Variants in SMIM35 observed in about 807,000 individuals in gnomAD.
SMIM35 encodes TMPRSS4 antisense RNA 1 (non-protein coding).
intron 1 of SMIM35, among the ~76,000 whole-genome samples, chr11:118,052,292 G>T (rs756438505): frequency 2.0e-5 from 3 of 152,086 alleles, no homozygotes; most frequent in Non-Finnish European, 4.4e-5. Context: ...GACTCCAGGG[G>T]ACAAAAGAAG....
intron 1 of SMIM35, among the ~76,000 whole-genome samples, chr11:118,060,709 C>T (rs958554635): frequency 6.6e-6 from 1 of 152,124 alleles, no homozygotes; most frequent in African/African-American, 2.4e-5. Flanking sequence ...GTCCCTCTGG[C>T]TGTTCCCCTC....
chr11:118,058,504 G>A (rs562203211), intron 1 of SMIM35, among the ~76,000 whole-genome samples: 89 of 152,328 alleles, frequency 5.8e-4, no homozygotes, highest in Non-Finnish European at 1.1e-3. Context: ...ATGACGGGGC[G>A]AGGAATGGGG....
chr11:118,018,178 A>G (rs1171204221), intron 1 of SMIM35, among the ~76,000 whole-genome samples: 2 of 152,184 alleles, frequency 1.3e-5, no homozygotes, highest in African/African-American at 4.8e-5. Flanking sequence ...GGAAGGCAGC[A>G]GGAGAGGAGG....
intron 1 of SMIM35, among the ~76,000 whole-genome samples, chr11:118,026,939 G>C (rs950584886): frequency 5.3e-5 from 8 of 151,504 alleles, no homozygotes; most frequent in African/African-American, 1.9e-4. Context: ...CACATATGTT[G>C]CTACAGGTGA....
chr11:118,024,964 C>T (rs1308446953), intron 1 of SMIM35, among the ~76,000 whole-genome samples: 1 of 148,354 alleles, frequency 6.7e-6, no homozygotes, highest in Non-Finnish European at 1.5e-5. Flanking sequence ...GTCTATTTTT[C>T]CCTGTCCATA....
At chr11:118,084,406 G>A (rs1341800803) in intron 1 of SMIM35, among the ~76,000 whole-genome samples, 1 of 152,244 alleles carries the variant, frequency 6.6e-6, no homozygotes, top group Non-Finnish European at 1.5e-5. Context: ...CAACTGCAAA[G>A]TCAGAGAGGC....
At chr11:118,026,004 T>G (rs949310100) in intron 1 of SMIM35, 1 of 307,256 alleles carries the variant, frequency 3.3e-6, no homozygotes, top group African/African-American at 2.3e-5. Context: ...TTCAATCTTC[T>G]GCATAGGGTT....
At chr11:118,012,253 C>T (rs1288512709) in intron 4 of SMIM35, among the ~76,000 whole-genome samples, 1 of 152,208 alleles carries the variant, frequency 6.6e-6, no homozygotes, top group Non-Finnish European at 1.5e-5. Flanking sequence ...GAGGACTCTG[C>T]CTCTCTGGTT....
intron 1 of SMIM35, among the ~76,000 whole-genome samples, chr11:118,030,232 G>A (rs188622853): frequency 3.3e-5 from 5 of 152,004 alleles, no homozygotes; most frequent in Non-Finnish European, 7.4e-5. Flanking sequence ...ATGGGGTTTC[G>A]CCATGTTGGC....
chr11:118,078,680 G>A (rs895600477), intron 1 of SMIM35, among the ~76,000 whole-genome samples: 1 of 152,168 alleles, frequency 6.6e-6, no homozygotes, highest in African/African-American at 2.4e-5. Context: ...GGCAGGCACT[G>A]AGGAGACCTG....
At chr11:118,064,192 A>T (rs556606890) in intron 1 of SMIM35, among the ~76,000 whole-genome samples, 1 of 152,358 alleles carries the variant, frequency 6.6e-6, no homozygotes, top group East Asian at 1.9e-4. Flanking sequence ...TGGTCACAGA[A>T]GTCTATTGCG....
intron 1 of SMIM35, among the ~76,000 whole-genome samples, chr11:118,042,947 C>T (rs1048187304): frequency 1.3e-5 from 2 of 152,202 alleles, no homozygotes; most frequent in African/African-American, 2.4e-5. Context: ...CAAAATCAAA[C>T]ACTCTTTCAT....
At chr11:118,075,196 G>A (rs949005090) in intron 1 of SMIM35, among the ~76,000 whole-genome samples, 2 of 152,148 alleles carry the variant, frequency 1.3e-5, no homozygotes, top group African/African-American at 4.8e-5. Context: ...GACCATCACG[G>A]CCCTGACCCT....
chr11:118,062,203 G>A (rs1212642121), intron 1 of SMIM35, among the ~76,000 whole-genome samples: 1 of 152,198 alleles, frequency 6.6e-6, no homozygotes, highest in Non-Finnish European at 1.5e-5. Flanking sequence ...GGTGGTGAGT[G>A]CCTGTAATCC....
chr11:118,074,978 T>C (rs1944632868), intron 1 of SMIM35, among the ~76,000 whole-genome samples: 1 of 152,154 alleles, frequency 6.6e-6, no homozygotes, highest in Non-Finnish European at 1.5e-5. Context: ...GGCTGAGTCA[T>C]CATCCCTCCA....
intron 1 of SMIM35, among the ~76,000 whole-genome samples, chr11:118,069,119 C>T (rs1944532072): frequency 6.6e-6 from 1 of 152,194 alleles, no homozygotes; most frequent in Admixed American, 6.5e-5. Flanking sequence ...TGCCAGCACC[C>T]CAGCATCCCA....
chr11:118,065,039 C>T (rs144631075), intron 1 of SMIM35, among the ~76,000 whole-genome samples: 2 of 152,204 alleles, frequency 1.3e-5, no homozygotes, highest in Admixed American at 6.5e-5. Context: ...GATATCCCAA[C>T]TCAGAAATGA....
intron 1 of SMIM35, chr11:118,029,114 T>C: frequency 3.8e-6 from 1 of 266,356 alleles, no homozygotes; most frequent in South Asian, 3.9e-5. Flanking sequence ...AAGTATAGCA[T>C]AAATAAATAA....
chr11:118,078,823 C>T (rs1944897602), intron 1 of SMIM35, among the ~76,000 whole-genome samples: 1 of 152,194 alleles, frequency 6.6e-6, no homozygotes, highest in African/African-American at 2.4e-5. Context: ...CGAGACTCAC[C>T]TTCTCCCCTG....
Sources: allele counts gnomAD v4.1 joint callset (sites outside exome capture counted in the v4.1 genomes callset), GRCh38; gene constraint gnomAD v4.1.1; transcripts MANE v1.5; gene names NCBI Gene and HGNC (gene_info 2026-07-23, HGNC 2026-07-21).